Variants in EIF2AK3 observed in about 807,000 individuals in gnomAD.
EIF2AK3 encodes eukaryotic translation initiation factor 2 alpha kinase 3.
A neutral mutation model predicts 113.5 loss-of-function variants in EIF2AK3; 50 were observed. That is an observed-to-expected ratio of 0.44 (90% CI 0.35 to 0.56). The LOEUF is 0.56. Among genes scored for constraint, EIF2AK3 ranks in the 20% least tolerant of loss-of-function variants. The pLI is 0.00. For synonymous variants in EIF2AK3, 448 were observed against 495.4 expected (o/e 0.90, Z 1.27); for missense variants, 1,185 against 1,378.0 (o/e 0.86, Z 2.22).
intron 2 of EIF2AK3, 48 bp downstream of exon 2, chr2:88,613,676 C>T: frequency 6.2e-7 from 1 of 1,608,264 alleles, no homozygotes; most frequent in Non-Finnish European, 8.5e-7. Context: ...TCAGCAATTA[C>T]TCATTAGAAT....
intron 1 of EIF2AK3, among the ~76,000 whole-genome samples, 169 bp downstream of exon 1, chr2:88,626,798 G>A (rs1675871392): frequency 6.6e-6 from 1 of 152,216 alleles, no homozygotes; most frequent in African/African-American, 2.4e-5. Flanking sequence ...GTCGCTGGCC[G>A]GGGGATGGGA....
chr2:88,578,079 T>C (rs1032142507), intron 11 of EIF2AK3, among the ~76,000 whole-genome samples: 7 of 152,222 alleles, frequency 4.6e-5, no homozygotes, highest in South Asian at 2.1e-4. Flanking sequence ...TTATCACTTA[T>C]GTAGTGCCTG....
At chr2:88,578,543 G>A (rs1279818954) in intron 11 of EIF2AK3, among the ~76,000 whole-genome samples, 2 of 152,106 alleles carry the variant, frequency 1.3e-5, no homozygotes, top group Non-Finnish European at 2.9e-5. Flanking sequence ...TTAGCTGGGT[G>A]TGGTGGTGGG....
Position 88,588,795 on chromosome 2 carries a change from A to T in EIF2AK3, c.1272T>A (p.Ile424=). 2 of 1,613,816 alleles carry T rather than the reference A, an allele frequency of 1.2e-6. No homozygotes were observed. The highest frequency in any genetic ancestry group is 2.2e-5 in the South Asian group (2 of 91,076). ...GTTTCCATTTGATTGTTGGTAAAGG[A>T]ATAATTGCGTTTTCATTAGTGACAG... is the stretch of plus-strand genomic sequence containing the variant. ...LESVTNENAI[I]PLPTIKWKPL... The change falls in exon 7 of 17, where the codon ATT becomes ATA. Residue 424 remains isoleucine, a synonymous_variant. Transcript: ENST00000303236.
At chr2:88,570,685 C>G (rs1283781990) in intron 14 of EIF2AK3, among the ~76,000 whole-genome samples, 189 bp downstream of exon 14, 2 of 152,150 alleles carry the variant, frequency 1.3e-5, no homozygotes, top group Non-Finnish European at 2.9e-5. Flanking sequence ...CTTAATCCAG[C>G]CCCAATTCAG....
At chr2:88,582,901 C>T (rs1674633470) in intron 10 of EIF2AK3, among the ~76,000 whole-genome samples, 2 of 152,146 alleles carry the variant, frequency 1.3e-5, no homozygotes, top group African/African-American at 4.8e-5. Flanking sequence ...CCAGTTATCA[C>T]AATGCATCAA....
intron 2 of EIF2AK3, among the ~76,000 whole-genome samples, chr2:88,613,442 G>C (rs1675500371): frequency 6.6e-6 from 1 of 152,130 alleles, no homozygotes; most frequent in Admixed American, 6.5e-5. Context: ...TTATAGCTCA[G>C]ATAATGTGCT....
intron 1 of EIF2AK3, among the ~76,000 whole-genome samples, chr2:88,622,705 G>A (rs1573428463): frequency 6.6e-6 from 1 of 152,304 alleles, no homozygotes; most frequent in East Asian, 1.9e-4. Flanking sequence ...GGAGTTGGGT[G>A]AGTGAATAGG....
chr2:88,590,566 C>T lies in EIF2AK3; in HGVS notation c.1042G>A (p.Gly348Arg). The change falls in exon 6 of 17, where the codon GGG (glycine) becomes AGG (arginine). Residue 348 changes from glycine (G) to arginine (R), a missense_variant. By Grantham distance (125) the Gly-to-Arg change is moderately radical. Coordinates refer to ENST00000303236, the MANE Select transcript of EIF2AK3 (RefSeq NM_004836.7). ...PIASAWLLKD[G>R]KVIPISLFDD... ...AAAAGACTGATGGGAATGACTTTCCCATCCTTAAGTAACCAGGCAGATGCA... is the reference window on the plus strand; with the variant it reads ...AAAAGACTGATGGGAATGACTTTCCTATCCTTAAGTAACCAGGCAGATGCA... 1.2e-6 allele frequency: 2 copies of T among 1,613,320 alleles called. 1 individual carries two copies. Among genetic ancestry groups the T allele is most frequent in the Non-Finnish European group, 1.7e-6 (2 of 1,179,926 alleles).
intron 11 of EIF2AK3, 89 bp downstream of exon 11, chr2:88,579,429 T>G: frequency 6.5e-7 from 1 of 1,536,080 alleles, no homozygotes; most frequent in Non-Finnish European, 9.0e-7. Flanking sequence ...TTCTATGGTG[T>G]TTACAGAGTA....
chr2:88,595,242 A>G (rs1674990532), intron 3 of EIF2AK3, among the ~76,000 whole-genome samples: 1 of 150,004 alleles, frequency 6.7e-6, no homozygotes, highest in Non-Finnish European at 1.5e-5. Context: ...CCTGAGACAC[A>G]GTAGACCATA....
intron 14 of EIF2AK3, among the ~76,000 whole-genome samples, chr2:88,566,472 A>G (rs116580175): frequency 2.3e-4 from 35 of 152,174 alleles, no homozygotes; most frequent in Admixed American, 3.3e-4. Flanking sequence ...AATACTTTGT[A>G]TGAGTATTTT....
At chr2:88,579,391 C>T in intron 11 of EIF2AK3, 127 bp downstream of exon 11, 1 of 1,299,234 alleles carries the variant, frequency 7.7e-7, no homozygotes, top group East Asian at 2.4e-5. Flanking sequence ...GCACTTAGAA[C>T]CTAAGATTTG....
chr2:88,578,093 C>T (rs2104417110), intron 11 of EIF2AK3, among the ~76,000 whole-genome samples: 1 of 152,202 alleles, frequency 6.6e-6, no homozygotes, highest in East Asian at 1.9e-4. Flanking sequence ...GTGCCTGGCA[C>T]ATATGAATAT....
At chr2:88,626,860 C>G in intron 1 of EIF2AK3, 107 bp downstream of exon 1, 6 of 1,445,912 alleles carry the variant, frequency 4.1e-6, no homozygotes, top group Non-Finnish European at 4.7e-6. Flanking sequence ...CCTCCGCAGC[C>G]GAGGGAAGAC....
intron 11 of EIF2AK3, among the ~76,000 whole-genome samples, chr2:88,578,779 G>T (rs1339015063): frequency 1.3e-5 from 2 of 151,638 alleles, no homozygotes; most frequent in African/African-American, 4.8e-5. Flanking sequence ...TTCTGAGCCA[G>T]AAATCACACT....
chr2:88,610,038 C>T (rs1254607835), intron 2 of EIF2AK3, among the ~76,000 whole-genome samples: 1 of 150,678 alleles, frequency 6.6e-6, no homozygotes, highest in African/African-American at 2.4e-5. Context: ...GGAAGGACTG[C>T]TTGAGCCCAG....
chr2:88,605,030 A>C lies in EIF2AK3; in HGVS notation c.438+8694T>G, dbSNP rs548649782. Among the ~76,000 whole-genome samples the C allele has an allele frequency of 5.3e-5, 8 of 152,336 alleles. No individual in the cohort carries two copies. In the East Asian group the frequency reaches 1.5e-3, roughly 29 times the overall value. On this transcript the variant is annotated intron_variant, in intron 2 of 16. Coordinates refer to ENST00000303236, the MANE Select transcript of EIF2AK3 (RefSeq NM_004836.7). The stretch of plus-strand genomic sequence containing the variant: ...ATCATGCAAAAAATTAGGGTTAATA[A>C]GAATATTTACTTCACAGGGCTATGT...
At chr2:88,559,082 A>C (rs777491730) in intron 15 of EIF2AK3, 103 bp from the exon 16 acceptor site, 12 of 743,046 alleles carry the variant, frequency 1.6e-5, no homozygotes, top group Non-Finnish European at 2.7e-5. Context: ...TACATCTATC[A>C]AATGGAAAAT....
Sources: allele counts gnomAD v4.1 joint callset (sites outside exome capture counted in the v4.1 genomes callset), GRCh38; gene constraint gnomAD v4.1.1; transcripts MANE v1.5; gene names NCBI Gene and HGNC (gene_info 2026-07-23, HGNC 2026-07-21).